The following KCNK9 variants were observed in gnomAD, a reference collection of about 807,000 sequenced individuals.
The protein encoded by KCNK9 is potassium two pore domain channel subfamily K member 9, also known as potassium channel subfamily K member 9.
A neutral mutation model predicts 10.8 loss-of-function variants in KCNK9; 1 was observed. That is an observed-to-expected ratio of 0.09 (90% confidence interval 0.03 to 0.44). The LOEUF (loss-of-function observed/expected upper bound fraction) is 0.44, where lower values mean the gene tolerates loss of function less well. Among genes scored for constraint, KCNK9 ranks in the 20% least tolerant of loss-of-function variants. The probability of loss-of-function intolerance (pLI) is 0.97; values close to 1 mark genes in which losing one functional copy is unlikely to be tolerated. For missense variants in KCNK9, 303 were observed against 515.0 expected, an observed-to-expected ratio of 0.59 and a Z score of 3.98; for synonymous variants, 231 against 222.7, an observed-to-expected ratio of 1.04 and a Z score of -0.33.
intron 1 of KCNK9, among the ~76,000 whole-genome samples, chr8:139,700,934 G>C (rs1164817580): frequency 6.6e-6 from 1 of 152,182 alleles, no homozygotes; most frequent in East Asian, 1.9e-4. Flanking sequence ...AGCATTTTAT[G>C]TGCCTGTTTT....
intron 1 of KCNK9, among the ~76,000 whole-genome samples, chr8:139,697,599 G>A (rs1642320): frequency 0.043 from 6,529 of 152,050 alleles, 477 homozygotes; most frequent in African/African-American, 0.15. Context: ...GTGTATACTG[G>A]GGCCTGTTTC....
At chr8:139,601,712 G>A (rs1817374110) in intron 2 of KCNK9, 2 of 152,200 alleles carry the variant, frequency 1.3e-5, no homozygotes, top group South Asian at 4.1e-4. Flanking sequence ...TGAAACTGGA[G>A]TAGGCAATAT....
intron 1 of KCNK9, among the ~76,000 whole-genome samples, chr8:139,689,641 TCA>T (rs772953282): frequency 1.9e-5 from 2 of 106,636 alleles, no homozygotes; most frequent in Non-Finnish European, 3.6e-5. Context: ...GCCTTTGCCA[TCA>T]TTTTTTTTTT....
chr8:139,654,886 T>C (rs983409876), intron 1 of KCNK9, among the ~76,000 whole-genome samples: 3 of 151,626 alleles, frequency 2.0e-5, no homozygotes, highest in Non-Finnish European at 4.4e-5. Flanking sequence ...GGCAGGCGGC[T>C]AGAGAGAGTG....
intron 1 of KCNK9, among the ~76,000 whole-genome samples, chr8:139,660,072 G>A (rs1816113184): frequency 6.6e-6 from 1 of 152,134 alleles, no homozygotes. Flanking sequence ...ATGTAGATGT[G>A]TTGCCTATTC....
chr8:139,698,123 T>C (rs1817110261), intron 1 of KCNK9, among the ~76,000 whole-genome samples: 1 of 152,320 alleles, frequency 6.6e-6, no homozygotes, highest in Non-Finnish European at 1.5e-5. Context: ...AACACCACAG[T>C]TGGAGCCTTC....
chr8:139,628,841 T>C (rs901980962), intron 1 of KCNK9, among the ~76,000 whole-genome samples: 4 of 152,216 alleles, frequency 2.6e-5, no homozygotes, highest in African/African-American at 7.2e-5. Context: ...TTCTGCTCCA[T>C]GTAGGGCCTT....
intron 1 of KCNK9, among the ~76,000 whole-genome samples, chr8:139,688,706 AG>A (rs768411764): frequency 6.6e-6 from 1 of 152,236 alleles, no homozygotes; most frequent in Non-Finnish European, 1.5e-5. Context: ...AGATTTTGAT[AG>A]GTAACAATAG....
Position 139,618,813 on chromosome 8 carries a change from G to A in KCNK9, c.570C>T (p.Tyr190=). Residue 190 remains tyrosine, a synonymous_variant, in exon 2 of 2, where the codon TAC becomes TAT. Coordinates refer to ENST00000520439, the MANE Select transcript of KCNK9 (RefSeq NM_001282534.2). This position sits in a 1 kb window ranked among gnomAD's most constrained non-coding sequence, Gnocchi z 7.9. The stretch of plus-strand genomic sequence containing the variant: ...TAGTCAACGTGATGAAGCAGTAGTA[G>A]TAGGCGTGGAAGAAGCTCCACTCCT... ...QCEEWSFFHA[Y]YYCFITLTTI... 6.2e-7 allele frequency: 1 copy of A among 1,614,234 alleles called. No individual in the cohort carries two copies. Among genetic ancestry groups the A allele is most frequent in the Non-Finnish European group, 8.5e-7 (1 of 1,180,048 alleles).
intron 1 of KCNK9, among the ~76,000 whole-genome samples, chr8:139,639,045 G>A (rs1162067415): frequency 4.0e-5 from 6 of 148,860 alleles, no homozygotes; most frequent in South Asian, 4.4e-4. Flanking sequence ...CCGCCAGGCC[G>A]TAGCCAACCC....
chr8:139,639,391 A>G (rs1296723777), intron 1 of KCNK9, among the ~76,000 whole-genome samples: 5 of 152,234 alleles, frequency 3.3e-5, no homozygotes, highest in African/African-American at 1.2e-4. Context: ...TCATTTTGCA[A>G]GTGTGCCTGG....
chr8:139,669,851 T>C (rs1816386599), intron 1 of KCNK9, among the ~76,000 whole-genome samples: 1 of 152,258 alleles, frequency 6.6e-6, no homozygotes, highest in African/African-American at 2.4e-5. Flanking sequence ...AAAATGTGTT[T>C]CTTAAATAAT....
intron 1 of KCNK9, among the ~76,000 whole-genome samples, chr8:139,647,352 C>A (rs973332998): frequency 6.6e-6 from 1 of 152,234 alleles, no homozygotes; most frequent in African/African-American, 2.4e-5. Context: ...TGAGGACCTG[C>A]TGTTTGCCAG....
intron 1 of KCNK9, among the ~76,000 whole-genome samples, chr8:139,644,637 A>C (rs938378698): frequency 7.9e-5 from 12 of 152,062 alleles, no homozygotes; most frequent in Non-Finnish European, 1.2e-4. Context: ...TGGGTAGCAC[A>C]GGTGGTTTTG....
intron 1 of KCNK9, among the ~76,000 whole-genome samples, chr8:139,671,511 C>CTTT (rs35081138): frequency 4.5e-5 from 6 of 132,738 alleles, no homozygotes; most frequent in Non-Finnish European, 3.2e-5. Context: ...TTTTTAGTTT[C>CTTT]TTTTTTTTTT....
At chr8:139,663,311 C>T (rs1214449867) in intron 1 of KCNK9, among the ~76,000 whole-genome samples, 1 of 152,076 alleles carries the variant, frequency 6.6e-6, no homozygotes, top group Non-Finnish European at 1.5e-5. Flanking sequence ...GACAGGTCAG[C>T]GCGAGGCCAA....
chr8:139,616,907 A>G (rs1038359762), downstream of KCNK9: 10 of 151,836 alleles, frequency 6.6e-5, no homozygotes, highest in African/African-American at 2.2e-4. Flanking sequence ...AGCCTGAACT[A>G]CCCCACCACC....
chr8:139,639,618 C>T (rs989616067), intron 1 of KCNK9, among the ~76,000 whole-genome samples: 4 of 152,322 alleles, frequency 2.6e-5, no homozygotes, highest in South Asian at 2.1e-4. Context: ...TGGCATGTGA[C>T]GAAGGGGCAG....
intron 1 of KCNK9, among the ~76,000 whole-genome samples, chr8:139,676,074 A>C (rs1225978921): frequency 6.6e-6 from 1 of 152,226 alleles, no homozygotes; most frequent in African/African-American, 2.4e-5. Flanking sequence ...AGAGAAGGGC[A>C]GGGCCACAAG....
Sources: allele counts gnomAD v4.1 joint callset (sites outside exome capture counted in the v4.1 genomes callset), GRCh38; gene constraint gnomAD v4.1.1; non-coding constraint Gnocchi (gnomAD v3.1); transcripts MANE v1.5; gene names NCBI Gene and HGNC (gene_info 2026-07-23, HGNC 2026-07-21).